CTNNA3: variants seen among roughly 807,000 people sequenced by gnomAD.
CTNNA3 encodes catenin alpha-3.
CTNNA3 carries 76 observed loss-of-function variants against 95.7 expected under a neutral mutation model. The ratio of observed to expected loss-of-function variants is 0.79; its 90% CI spans 0.66 to 0.96. CTNNA3 has a LOEUF of 0.96. Among genes scored for constraint, CTNNA3 ranks in the 40% least tolerant of loss-of-function variants. The probability of loss-of-function intolerance (pLI) is 0.00; values close to 1 mark genes in which losing one functional copy is unlikely to be tolerated. For synonymous variants in CTNNA3, 431 were observed against 374.4 expected, an observed-to-expected ratio of 1.15 and a Z score of -1.74; for missense variants, 1,191 against 1,089.8, an observed-to-expected ratio of 1.09 and a Z score of -1.31.
At chr10:66,757,064 G>A (rs1371651655) in intron 9 of CTNNA3, among the ~76,000 whole-genome samples, 2 of 152,168 alleles carry the variant, frequency 1.3e-5, no homozygotes, top group Non-Finnish European at 2.9e-5. Flanking sequence ...GTGAATGTCT[G>A]TCAACACTAG....
chr10:65,969,657 G>C (rs907395425), intron 16 of CTNNA3, among the ~76,000 whole-genome samples: 6 of 152,122 alleles, frequency 3.9e-5, no homozygotes, highest in African/African-American at 1.4e-4. Flanking sequence ...ACTGGACTAA[G>C]TAGAGGAAAG....
chr10:67,543,665 C>G (rs1296646918), intron 3 of CTNNA3, among the ~76,000 whole-genome samples: 1 of 151,952 alleles, frequency 6.6e-6, no homozygotes, highest in Non-Finnish European at 1.5e-5. Context: ...TGCATCTGTC[C>G]AAGTGATACA....
intron 7 of CTNNA3, among the ~76,000 whole-genome samples, chr10:67,153,444 T>C (rs1358168620): frequency 6.6e-6 from 1 of 152,234 alleles, no homozygotes; most frequent in African/African-American, 2.4e-5. Flanking sequence ...TCTCATGTCA[T>C]CATCAAAACA....
At chr10:66,602,633 ACT>A (rs1843970339) in intron 10 of CTNNA3, among the ~76,000 whole-genome samples, 1 of 151,998 alleles carries the variant, frequency 6.6e-6, no homozygotes, top group Non-Finnish European at 1.5e-5. Context: ...CACCAGAGAG[ACT>A]CAACAAAAAA....
chr10:66,892,631 G>A (rs945624404), intron 7 of CTNNA3, among the ~76,000 whole-genome samples: 13 of 152,106 alleles, frequency 8.5e-5, no homozygotes, highest in Admixed American at 2.6e-4. Flanking sequence ...CAGAAATAGT[G>A]GCATCCAGGG....
chr10:66,423,344 C>A (rs763299962), intron 11 of CTNNA3, among the ~76,000 whole-genome samples: 1 of 151,868 alleles, frequency 6.6e-6, no homozygotes, highest in Non-Finnish European at 1.5e-5. Context: ...CGTATTTAGT[C>A]TTAAAATAAT....
At chr10:66,888,416 A>G (rs1845129232) in intron 7 of CTNNA3, among the ~76,000 whole-genome samples, 1 of 152,142 alleles carries the variant, frequency 6.6e-6, no homozygotes, top group African/African-American at 2.4e-5. Flanking sequence ...ATACCGAACT[A>G]TGAGAAAATA....
At chr10:66,241,822 G>A (rs989004741) in intron 13 of CTNNA3, among the ~76,000 whole-genome samples, 37 of 151,924 alleles carry the variant, frequency 2.4e-4, no homozygotes, top group Middle Eastern at 3.4e-3. Context: ...TTAAAATAAC[G>A]TTAGAAAACT....
chr10:66,881,107 T>C (rs1844834700), intron 7 of CTNNA3, among the ~76,000 whole-genome samples: 2 of 152,030 alleles, frequency 1.3e-5, no homozygotes, highest in South Asian at 4.2e-4. Flanking sequence ...TTCCAAATCA[T>C]TCTAATTGCC....
intron 5 of CTNNA3, among the ~76,000 whole-genome samples, chr10:67,478,958 G>A (rs913717667): frequency 2.0e-5 from 3 of 151,964 alleles, no homozygotes; most frequent in South Asian, 2.1e-4. Flanking sequence ...AAAAACGGCG[G>A]GAGTTGGTAT....
At chr10:66,883,976 C>T (rs1480569314) in intron 7 of CTNNA3, among the ~76,000 whole-genome samples, 1 of 152,006 alleles carries the variant, frequency 6.6e-6, no homozygotes, top group Non-Finnish European at 1.5e-5. Flanking sequence ...CAAGACTGGG[C>T]ATCTGCATCT....
intron 5 of CTNNA3, among the ~76,000 whole-genome samples, chr10:67,266,009 C>T (rs1300652428): frequency 6.6e-6 from 1 of 152,056 alleles, no homozygotes; most frequent in Admixed American, 6.6e-5. Flanking sequence ...CCTAGACTGA[C>T]ACCCAAGAAA....
intron 9 of CTNNA3, among the ~76,000 whole-genome samples, chr10:66,715,409 A>G (rs1848419931): frequency 6.6e-6 from 1 of 152,074 alleles, no homozygotes; most frequent in Admixed American, 6.6e-5. Flanking sequence ...TGTTGTCTCA[A>G]TTGTTTATTG....
At chr10:66,202,359 T>C (rs1024331618) in intron 13 of CTNNA3, among the ~76,000 whole-genome samples, 3 of 152,216 alleles carry the variant, frequency 2.0e-5, no homozygotes, top group African/African-American at 7.2e-5. Context: ...TGTGGCCAAC[T>C]GTTGTTAGAA....
chr10:65,930,199 T>TAAA (rs71472402), intron 17 of CTNNA3, among the ~76,000 whole-genome samples: 28 of 60,736 alleles, frequency 4.6e-4, no homozygotes, highest in African/African-American at 9.3e-4. Flanking sequence ...CAGAGCTCAG[T>TAAA]AAAAAAAAAA....
intron 5 of CTNNA3, among the ~76,000 whole-genome samples, chr10:67,227,335 C>A (rs2132286358): frequency 6.6e-6 from 1 of 152,228 alleles, no homozygotes; most frequent in East Asian, 1.9e-4. Flanking sequence ...AGGTGATCTG[C>A]CCGCCTTGGC....
chr10:67,530,201 G>A (rs1254096093), intron 4 of CTNNA3, among the ~76,000 whole-genome samples: 1 of 152,186 alleles, frequency 6.6e-6, no homozygotes, highest in Non-Finnish European at 1.5e-5. Flanking sequence ...GTGGGGTGCT[G>A]CTGTAGATAC....
intron 15 of CTNNA3, among the ~76,000 whole-genome samples, chr10:66,015,304 A>T (rs992057261): frequency 2.0e-5 from 3 of 152,130 alleles, no homozygotes; most frequent in Admixed American, 6.6e-5. Context: ...CTGTGGTAGA[A>T]ATGAAACCAC....
chr10:66,561,940 G>A (rs1179883952), intron 10 of CTNNA3, among the ~76,000 whole-genome samples: 1 of 151,968 alleles, frequency 6.6e-6, no homozygotes, highest in Admixed American at 6.6e-5. Context: ...TTTGTGAGGG[G>A]GAGATCAAAG....
Sources: gnomAD v4.1 joint callset for allele counts (sites outside exome capture counted in the v4.1 genomes callset) on GRCh38, gnomAD v4.1.1 for gene constraint, MANE v1.5 for transcripts, NCBI Gene and HGNC (gene_info 2026-07-23, HGNC 2026-07-21) for gene names.